Variants in COL7A1 observed in about 807,000 individuals in gnomAD.
COL7A1 encodes the protein collagen type VII alpha 1 chain.
COL7A1 carries 296 observed loss-of-function variants against 456.2 expected under a neutral mutation model. The ratio of observed to expected loss-of-function variants is 0.65; its 90% CI spans 0.59 to 0.71. The LOEUF (loss-of-function observed/expected upper bound fraction) is 0.71, where lower values mean the gene tolerates loss of function less well. Ranked by LOEUF, COL7A1 falls within the 30% of genes least tolerant of loss-of-function variation. COL7A1 has a pLI of 0.00. For synonymous variants in COL7A1, 1,464 were observed against 1,525.9 expected (o/e 0.96, Z 0.95); for missense variants, 3,441 against 4,017.2 (o/e 0.86, Z 3.88).
In COL7A1 at chr3:48,588,735, G is replaced by C; in HGVS notation, c.2494C>G (p.Arg832Gly). Residue 832 changes from arginine (R) to glycine (G), a missense_variant, in exon 20 of 119, where the codon CGG (arginine) becomes GGG (glycine). Coordinates refer to ENST00000681320, the MANE Select transcript of COL7A1 (RefSeq NM_000094.4). This position sits in a 1 kb window ranked among gnomAD's most constrained non-coding sequence, Gnocchi z 4.6. Reference sequence around the variant, plus strand: ...TAGCTGACTCCACCTTCGAGACCCCGGATCTCTGCAGAGTCTGTGTTTCCT... The same window carrying C: ...TAGCTGACTCCACCTTCGAGACCCCCGATCTCTGCAGAGTCTGTGTTTCCT... ...LPGNTDSAEIRGLEGGVSYSV... is the reference protein window; with the variant it reads ...LPGNTDSAEIGGLEGGVSYSV... 1 of 1,613,864 alleles carries C rather than the reference G, an allele frequency of 6.2e-7. No individual in the cohort carries two copies. The highest frequency in any genetic ancestry group is 1.1e-5 in the South Asian group (1 of 91,076).
Position 48,588,271 on chromosome 3 carries a change from A to G in COL7A1, c.2710+11T>C. 1 of 1,612,340 alleles carries G rather than the reference A, an allele frequency of 6.2e-7. No individual in the cohort carries two copies. Among genetic ancestry groups the G allele is most frequent in the East Asian group, 2.2e-5 (1 of 44,840 alleles). ...AATGGTCCCTAACTTCCTCCTGGGGACACCTCTCACCCTCAGGTTGCCAGT... is the reference window on the plus strand; with the variant it reads ...AATGGTCCCTAACTTCCTCCTGGGGGCACCTCTCACCCTCAGGTTGCCAGT... On this transcript the variant is annotated intron_variant, in intron 21 of 118. Coordinates refer to ENST00000681320, the MANE Select transcript of COL7A1 (RefSeq NM_000094.4). The surrounding 1 kb of genome is among the most constrained non-coding windows in gnomAD (Gnocchi z 4.6).
At position 48,594,015 on chromosome 3, in the gene COL7A1, C is replaced by T. The variant is rs2045895424; in HGVS notation, c.267-319G>A. On this transcript the variant is annotated intron_variant, in intron 3 of 118. Coordinates refer to ENST00000681320, the MANE Select transcript of COL7A1 (RefSeq NM_000094.4). The surrounding 1 kb of genome is among the most constrained non-coding windows in gnomAD (Gnocchi z 5.5). ...CAGATGTAGGAAAGTGGATGCTGGC[C>T]AGATGGAGCACCTCTGGTGAACGGC... Among the ~76,000 whole-genome samples, 1 of 152,314 alleles carries T rather than the reference C, an allele frequency of 6.6e-6. No individual in the cohort carries two copies. Among genetic ancestry groups the T allele is most frequent in the East Asian group, 1.9e-4 (1 of 5,180 alleles).
Position 48,567,348 on chromosome 3 carries a change from C to T in COL7A1, c.8047-158G>A, listed in dbSNP as rs2043652111. 2.0e-6 allele frequency: 2 copies of T among 994,916 alleles called. No individual in the cohort carries two copies. Among genetic ancestry groups the T allele is most frequent in the Non-Finnish European group, 1.5e-6 (1 of 650,106 alleles). The allele number at this position is 994,916 out of a possible 1,614,324, so 61.6% of individuals were successfully genotyped here. ...TGTGATCCCCATGACTCCAACTCCA[C>T]TATAGCCCCCTGCCCTGATGCACAT... On this transcript the variant is annotated intron_variant, in intron 109 of 118. Coordinates refer to ENST00000681320, the MANE Select transcript of COL7A1 (RefSeq NM_000094.4). The surrounding 1 kb of genome is among the most constrained non-coding windows in gnomAD (Gnocchi z 4.3).
At position 48,593,322 on chromosome 3, in the gene COL7A1, C is replaced by A. The variant is rs772089296; in HGVS notation, c.520+34G>T. On this transcript the variant is annotated intron_variant, in intron 5 of 118. Transcript: ENST00000681320. This position sits in a 1 kb window ranked among gnomAD's most constrained non-coding sequence, Gnocchi z 4.4. ...ACATGCTCTCTGACTGCCCCCACCC[C>A]CCAGCTGACCTGTCACTCCTGCTCG... The A allele has an allele frequency of 1.2e-6, 2 of 1,614,034 alleles. No individual in the cohort carries two copies. The highest frequency in any genetic ancestry group is 3.3e-5 in the Admixed American group (2 of 60,020).
At position 48,566,174 on chromosome 3, in the gene COL7A1, C is replaced by A; in HGVS notation, c.8407+93G>T. 7.3e-7 allele frequency: 1 copy of A among 1,368,334 alleles called. No homozygotes were observed. The highest frequency in any genetic ancestry group is 1.0e-6 in the Non-Finnish European group (1 of 980,756). The allele number at this position is 1,368,334 out of a possible 1,614,324, so 84.8% of individuals were successfully genotyped here. A position where few individuals can be genotyped will look rare whatever the true frequency, so the allele number is the denominator to read the frequency against. ...GTGTATCCATCCATCCCCCCATCTTCTTGACTGCTTGCCCTGTAAGTTCTA... is the reference window on the plus strand; with the variant it reads ...GTGTATCCATCCATCCCCCCATCTTATTGACTGCTTGCCCTGTAAGTTCTA... On this transcript the variant is annotated intron_variant, in intron 114 of 118. Coordinates refer to ENST00000681320, the MANE Select transcript of COL7A1 (RefSeq NM_000094.4). The surrounding 1 kb of genome is among the most constrained non-coding windows in gnomAD (Gnocchi z 5.9).
In COL7A1 at chr3:48,591,356, G is replaced by T; in HGVS notation, c.1636+108C>A. 6.9e-7 allele frequency: 1 copy of T among 1,442,628 alleles called. No individual in the cohort carries two copies. Among genetic ancestry groups the T allele is most frequent in the Non-Finnish European group, 9.5e-7 (1 of 1,050,194 alleles). The allele number at this position is 1,442,628 out of a possible 1,614,324, so 89.4% of individuals were successfully genotyped here. ...AGCAGATGGATAACGAGACAGGGAG[G>T]AGACTATAGGGACCCAGGTGTGGAA... On this transcript the variant is annotated intron_variant, in intron 13 of 118. Coordinates refer to ENST00000681320, the MANE Select transcript of COL7A1 (RefSeq NM_000094.4). The surrounding 1 kb of genome is among the most constrained non-coding windows in gnomAD (Gnocchi z 7.0).
Position 48,566,697 on chromosome 3 carries a change from G to A in COL7A1, c.8267C>T (p.Pro2756Leu). 6.2e-7 allele frequency: 1 copy of A among 1,614,040 alleles called. No individual in the cohort carries two copies. Among genetic ancestry groups the A allele is most frequent in the Non-Finnish European group, 8.5e-7 (1 of 1,179,990 alleles). ...CTCGCCAGGAGCTCCAGGGACCCCAGGAGCCCCCACCACTCTCTCTCCGGG... is the reference window on the plus strand; with the variant it reads ...CTCGCCAGGAGCTCCAGGGACCCCAAGAGCCCCCACCACTCTCTCTCCGGG... ...GPPGERVVGAPGVPGAPGERG... is the reference protein window; with the variant it reads ...GPPGERVVGALGVPGAPGERG... The change falls in exon 112 of 119, where the codon CCT (proline) becomes CTT (leucine). Residue 2756 changes from proline (P) to leucine (L), a missense_variant. Physicochemically the swap from Pro to Leu is moderately conservative, Grantham distance 98. This residue lies in a region of COL7A1 where 2,084 missense variants were observed against 2,501.3 expected (regional missense o/e 0.83). Transcript: ENST00000681320. This position sits in a 1 kb window ranked among gnomAD's most constrained non-coding sequence, Gnocchi z 5.9.
rs142103925 is a variant in COL7A1, at chr3:48,567,742, G to A, written c.7951C>T (p.Arg2651Cys). 8.1e-6 allele frequency: 13 copies of A among 1,613,972 alleles called. No homozygotes were observed. Among genetic ancestry groups the A allele is most frequent in the East Asian group, 2.2e-5 (1 of 44,888 alleles). Residue 2651 changes from arginine (R) to cysteine (C), a missense_variant, in exon 108 of 119, where the codon CGC becomes TGC. Arg to Cys is a radical substitution (Grantham distance 180). Around this residue, in one of 3 missense-constraint regions of COL7A1, gnomAD observed 2,084 missense variants for 2,501.3 expected, o/e 0.83. Coordinates refer to ENST00000681320, the MANE Select transcript of COL7A1 (RefSeq NM_000094.4). This position sits in a 1 kb window ranked among gnomAD's most constrained non-coding sequence, Gnocchi z 4.3. Reference sequence around the variant, plus strand: ...CCTTTGTGTCCTGCCAGCCCGGGGCGGCCTGGGGGACCAGCTTCTCCCTGC... The same window carrying A: ...CCTTTGTGTCCTGCCAGCCCGGGGCAGCCTGGGGGACCAGCTTCTCCCTGC... The part of the protein sequence containing the change: ...GDKGEAGPPG[R>C]PGLAGHKGEM...
At position 48,574,079 on chromosome 3, in the gene COL7A1, A is replaced by C. The variant is rs972091353; in HGVS notation, c.6501+183T>G. 3.3e-5 allele frequency among the ~76,000 whole-genome samples: 5 copies of C among 151,744 alleles called. No individual in the cohort carries two copies. The highest frequency in any genetic ancestry group is 7.4e-5 in the Non-Finnish European group (5 of 67,922). ...TGCACACACACATCCACATACAACCACACACAGACACAGGCACACACAGGC... is the reference window on the plus strand; with the variant it reads ...TGCACACACACATCCACATACAACCCCACACAGACACAGGCACACACAGGC... On this transcript the variant is annotated intron_variant, in intron 80 of 118. Transcript: ENST00000681320. This position sits in a 1 kb window ranked among gnomAD's most constrained non-coding sequence, Gnocchi z 5.0.
Position 48,575,995 on chromosome 3 carries a change from TTCC to T in COL7A1, c.5821-96_5821-94del, listed in dbSNP as rs1168479206. 46 of 1,595,392 alleles carry T rather than the reference TTCC, an allele frequency of 2.9e-5. No homozygotes were observed. The highest frequency in any genetic ancestry group is 3.5e-5 in the Non-Finnish European group (41 of 1,164,052). The stretch of plus-strand genomic sequence containing the variant: ...CTCAGGAAAGCACCTTCACACCCTT[TTCC>T]CTAGGCCTCTTGCCCAGAGCACCCT... On this transcript the variant is annotated intron_variant, in intron 71 of 118. Transcript: ENST00000681320. The surrounding 1 kb of genome is among the most constrained non-coding windows in gnomAD (Gnocchi z 6.3).
rs1466066197 is a variant in COL7A1 at position 48,586,667 on chromosome 3, T to C, written c.3299A>G (p.His1100Arg). The change falls in exon 26 of 119, where the codon CAT (histidine) becomes CGT (arginine). Residue 1100 changes from histidine (H) to arginine (R), a missense_variant. This residue lies in a region of COL7A1 where 444 missense variants were observed against 427.6 expected (regional missense o/e 1.04). Coordinates refer to ENST00000681320, the MANE Select transcript of COL7A1 (RefSeq NM_000094.4). The surrounding 1 kb of genome is among the most constrained non-coding windows in gnomAD (Gnocchi z 5.1). ...CAGTGGGAACAGTGGGGAGGGCCGA[T>C]GACTGTAAGACAGCAGGCCAACCTG... ...AVQVGLLSYS[H>R]RPSPLFPLNG... 1 of 1,605,290 alleles carries C rather than the reference T, an allele frequency of 6.2e-7. No individual in the cohort carries two copies. The highest frequency in any genetic ancestry group is 2.2e-5 in the East Asian group (1 of 44,570).
Position 48,582,510 on chromosome 3 carries a change from G to A in COL7A1, c.4567C>T (p.Pro1523Ser). Residue 1523 changes from proline (P) to serine (S), a missense_variant, in exon 46 of 119, where the codon CCA becomes TCA. Transcript: ENST00000681320. ...CCTTGGCGGCCAGTGGGTCCTGGTGGCCCCTGAATGTAGAGAAAGTGTGAG... is the reference window on the plus strand; with the variant it reads ...CCTTGGCGGCCAGTGGGTCCTGGTGACCCCTGAATGTAGAGAAAGTGTGAG... ...GRPGAKGPEG[P>S]PGPTGRQGEK... 1 of 1,614,096 alleles carries A rather than the reference G, an allele frequency of 6.2e-7. No homozygotes were observed. The highest frequency in any genetic ancestry group is 8.5e-7 in the Non-Finnish European group (1 of 1,180,032).
Position 48,585,875 on chromosome 3 carries a change from G to A in COL7A1, c.3760-19C>T. On this transcript the variant is annotated intron_variant, in intron 29 of 118. Transcript: ENST00000681320. The surrounding 1 kb of genome is among the most constrained non-coding windows in gnomAD (Gnocchi z 4.5). ...TCTGGCCCTGGGGAAAGACATGTCA[G>A]ATGTGGGTCAGAGTGGCTAGCCCCA... The A allele has an allele frequency of 6.2e-7, 1 of 1,614,142 alleles. No homozygotes were observed. Among genetic ancestry groups the A allele is most frequent in the Non-Finnish European group, 8.5e-7 (1 of 1,180,024 alleles).
In COL7A1 at chr3:48,566,271, G is replaced by A. The variant is rs1174796640; in HGVS notation, c.8403C>T (p.His2801=). The A allele has an allele frequency of 6.2e-7, 1 of 1,600,566 alleles. No homozygotes were observed. The highest frequency in any genetic ancestry group is 2.3e-5 in the East Asian group (1 of 44,340). Reference sequence around the variant, plus strand: ...TGCGGGCTGGGCACCACTCACCACAGTGCTGACTCATCTCTTGGCGCACAA... The same window carrying A: ...TGCGGGCTGGGCACCACTCACCACAATGCTGACTCATCTCTTGGCGCACAA... ...RGFVRQEMSQ[H]CACQGQFIAS... The change falls in exon 114 of 119, where the codon CAC becomes CAT. Residue 2801 remains histidine, a synonymous_variant. Transcript: ENST00000681320. The surrounding 1 kb of genome is among the most constrained non-coding windows in gnomAD (Gnocchi z 5.9).
In COL7A1 at chr3:48,570,123, G is replaced by A; in HGVS notation, c.7485+11C>T. 3 of 1,614,114 alleles carry A rather than the reference G, an allele frequency of 1.9e-6. No individual in the cohort carries two copies. The highest frequency in any genetic ancestry group is 2.5e-6 in the Non-Finnish European group (3 of 1,179,996). On this transcript the variant is annotated intron_variant, in intron 99 of 118. Coordinates refer to ENST00000681320, the MANE Select transcript of COL7A1 (RefSeq NM_000094.4). This position sits in a 1 kb window ranked among gnomAD's most constrained non-coding sequence, Gnocchi z 5.5. ...AGTCACAGCACTGTCACTTTCCCCA[G>A]CGGGACCCACCGTGAGTCCTCGGGG...
rs2044064990 is a variant in COL7A1 at position 48,573,343 on chromosome 3, C to T, written c.6624G>A (p.Glu2208=). 2.5e-6 allele frequency: 4 copies of T among 1,614,060 alleles called. No homozygotes were observed. The highest frequency in any genetic ancestry group is 1.1e-5 in the South Asian group (1 of 91,088). ...GTCCTGGAGGTCCTGTCTCTCCAGG[C>T]TCCCCCTGCAAACAACCCAGAGACT... is the stretch of plus-strand genomic sequence containing the variant. ...GPQGPSGLKG[E]PGETGPPGRG... Residue 2208 remains glutamate (E), a synonymous_variant, in exon 84 of 119, where the codon GAG becomes GAA. Coordinates refer to ENST00000681320, the MANE Select transcript of COL7A1 (RefSeq NM_000094.4). The surrounding 1 kb of genome is among the most constrained non-coding windows in gnomAD (Gnocchi z 5.5).
chr3:48,587,761 G>T lies in COL7A1; in HGVS notation c.2857+32C>A, dbSNP rs761145315. On this transcript the variant is annotated intron_variant, in intron 22 of 118. Transcript: ENST00000681320. The surrounding 1 kb of genome is among the most constrained non-coding windows in gnomAD (Gnocchi z 6.1). ...GGAAGTCAGGGTGGGTCATCAGCAGGGGAGGAGCACGCCAAGGTGAGGCAG... is the reference window on the plus strand; with the variant it reads ...GGAAGTCAGGGTGGGTCATCAGCAGTGGAGGAGCACGCCAAGGTGAGGCAG... 6.2e-7 allele frequency: 1 copy of T among 1,613,396 alleles called. No homozygotes were observed. Among genetic ancestry groups the T allele is most frequent in the Admixed American group, 1.7e-5 (1 of 60,010 alleles).
rs764424501 is a variant in COL7A1 at position 48,565,806 on chromosome 3, G to C, written c.8408-138C>G. On this transcript the variant is annotated intron_variant, in intron 114 of 118. Coordinates refer to ENST00000681320, the MANE Select transcript of COL7A1 (RefSeq NM_000094.4). The surrounding 1 kb of genome is among the most constrained non-coding windows in gnomAD (Gnocchi z 4.5). ...GAGAGGGTAACAGGAGAGAGAGGAA[G>C]AGAGAGGGTGGGAGGTAGATAGAGA... 157 of 848,526 alleles carry C rather than the reference G, an allele frequency of 1.9e-4. No homozygotes were observed. The highest frequency in any genetic ancestry group is 2.9e-4 in the Non-Finnish European group (151 of 514,346). 52.6% of individuals were successfully genotyped at this position (848,526 alleles called of 1,614,324 possible). A position where few individuals can be genotyped will look rare whatever the true frequency, so the allele number is the denominator to read the frequency against.
At position 48,568,699 on chromosome 3, in the gene COL7A1, G is replaced by T; in HGVS notation, c.7758+85C>A. ...GGCAGCAAGGGAGCCAGAACCCCCA[G>T]CACTTAAGAGGACCCCCAGGATATG... On this transcript the variant is annotated intron_variant, in intron 104 of 118. Transcript: ENST00000681320. This position sits in a 1 kb window ranked among gnomAD's most constrained non-coding sequence, Gnocchi z 5.2. 1 of 1,495,742 alleles carries T rather than the reference G, an allele frequency of 6.7e-7. No individual in the cohort carries two copies. Among genetic ancestry groups the T allele is most frequent in the Middle Eastern group, 1.9e-4 (1 of 5,220 alleles). 92.7% of individuals were successfully genotyped at this position (1,495,742 alleles called of 1,614,324 possible).
Sources: allele counts gnomAD v4.1 joint callset (sites outside exome capture counted in the v4.1 genomes callset), GRCh38; gene constraint gnomAD v4.1.1; regional missense constraint gnomAD v4.1.1; non-coding constraint Gnocchi (gnomAD v3.1); transcripts MANE v1.5; gene names NCBI Gene and HGNC (gene_info 2026-07-23, HGNC 2026-07-21).